Variants in NRK observed in about 807,000 individuals in gnomAD.
The protein encoded by NRK is Nik related kinase, also known as nik-related protein kinase.
Under a neutral mutation model 125.2 loss-of-function variants are expected in NRK, and 67 were observed. The observed-to-expected ratio is 0.54, with a 90% confidence interval of 0.44 to 0.66. The LOEUF (loss-of-function observed/expected upper bound fraction) is 0.66. NRK is among the 30% of genes least tolerant of loss of function. NRK has a pLI of 0.00. For synonymous variants in NRK, 458 were observed against 429.0 expected, an observed-to-expected ratio of 1.07 and a Z score of -0.84; for missense variants, 1,224 against 1,192.9, an observed-to-expected ratio of 1.03 and a Z score of -0.38.
In NRK at chrX:105,931,756, G is replaced by GA. The variant is rs1345321305; in HGVS notation, c.3313-2501dup. 2.7e-5 allele frequency among the ~76,000 whole-genome samples: 3 copies of GA among 111,285 alleles called. No homozygotes were observed. The East Asian group carries it at 8.6e-4, about 32-fold the overall frequency. On this transcript the variant is annotated intron_variant, in intron 19 of 28. Transcript: ENST00000243300. ...TCTCTTTGTCCTTTTTTGTGAGGGGGACAAGCACCAGGTGCCACCAATAAG... is the reference window on the plus strand; with the variant it reads ...TCTCTTTGTCCTTTTTTGTGAGGGGGAACAAGCACCAGGTGCCACCAATAAG...
intron 26 of NRK, 100 bp downstream of exon 26, chrX:105,946,564 T>C (rs1217302667): frequency 1.5e-5 from 9 of 612,332 alleles, no homozygotes; most frequent in Middle Eastern, 4.5e-4. Flanking sequence ...TGATTAGTAA[T>C]GTCTATACCG....
intron 1 of NRK, among the ~76,000 whole-genome samples, chrX:105,826,182 T>TATATAATA (rs1167551469): frequency 1.1e-5 from 1 of 91,442 alleles, no homozygotes; most frequent in Non-Finnish European, 2.1e-5. Context: ...TATGATCATA[T>TATATAATA]ATATGTGATA....
chrX:105,829,994 A>G (rs2039165359), intron 1 of NRK, among the ~76,000 whole-genome samples: 1 of 110,218 alleles, frequency 9.1e-6, no homozygotes, highest in African/African-American at 3.3e-5. Flanking sequence ...TTTGTATCCA[A>G]CATCTAGTCA....
chrX:105,921,858 G>A (rs209078), intron 16 of NRK, 106 bp from the exon 17 acceptor site: 69,227 of 291,972 alleles, frequency 0.24, 6,877 homozygotes, highest in African/African-American at 0.58. Context: ...AAATGACCAA[G>A]AAAAAAAAAA....
At chrX:105,902,524 C>CA (rs1345308017) in intron 9 of NRK, among the ~76,000 whole-genome samples, 1 of 112,150 alleles carries the variant, frequency 8.9e-6, no homozygotes, top group Non-Finnish European at 1.9e-5. Flanking sequence ...TTCCAGATAA[C>CA]AAAATTCTCT....
intron 2 of NRK, among the ~76,000 whole-genome samples, chrX:105,869,435 C>T (rs1602624736): frequency 9.0e-6 from 1 of 110,758 alleles, no homozygotes; most frequent in Non-Finnish European, 1.9e-5. Context: ...TTTTCTACTC[C>T]CTGCTGCTTC....
At chrX:105,913,678 A>G (rs1207921528) in intron 14 of NRK, among the ~76,000 whole-genome samples, 2 of 111,446 alleles carry the variant, frequency 1.8e-5, no homozygotes, top group Non-Finnish European at 3.8e-5. Flanking sequence ...CCAAATACCC[A>G]GAGTTTAAAT....
intron 2 of NRK, among the ~76,000 whole-genome samples, chrX:105,836,264 T>A (rs2039263835): frequency 8.9e-6 from 1 of 111,973 alleles, no homozygotes; most frequent in African/African-American, 3.2e-5. Context: ...CCATGTTAAT[T>A]CCTTTTAACT....
intron 1 of NRK, among the ~76,000 whole-genome samples, chrX:105,824,062 A>G (rs898514900): frequency 1.8e-5 from 2 of 112,329 alleles, no homozygotes; most frequent in Non-Finnish European, 3.8e-5. Context: ...AGCCTTCCCT[A>G]TATAATTTTA....
At chrX:105,917,724 C>A in intron 16 of NRK, 52 bp downstream of exon 16, 1 of 590,264 alleles carries the variant, frequency 1.7e-6, no homozygotes, top group Non-Finnish European at 2.6e-6. Context: ...TACTGTTTAA[C>A]AATTTATATT....
chrX:105,940,059 G>A, intron 23 of NRK, 27 bp downstream of exon 23: 2 of 1,072,562 alleles, frequency 1.9e-6, no homozygotes, highest in African/African-American at 1.9e-5. Flanking sequence ...GTTTACTACA[G>A]CTATATAAAT....
At chrX:105,917,300 G>A (rs1232248281) in intron 15 of NRK, among the ~76,000 whole-genome samples, 2 of 110,499 alleles carry the variant, frequency 1.8e-5, no homozygotes, top group Non-Finnish European at 3.8e-5. Context: ...AGCTTTAAAA[G>A]CTTATAGAAA....
chrX:105,904,002 A>T (rs947556686), intron 9 of NRK, among the ~76,000 whole-genome samples: 2 of 112,298 alleles, frequency 1.8e-5, no homozygotes. Flanking sequence ...TTGAAAACAA[A>T]GCTTGGCCTT....
intron 10 of NRK, 75 bp from the exon 11 acceptor site, chrX:105,906,339 C>A: frequency 2.2e-6 from 1 of 452,169 alleles, no homozygotes; most frequent in Non-Finnish European, 3.6e-6. Context: ...TTCAGAGAGG[C>A]ATGTGGGTGG....
At chrX:105,865,076 A>G (rs2039652193) in intron 2 of NRK, among the ~76,000 whole-genome samples, 1 of 111,529 alleles carries the variant, frequency 9.0e-6, no homozygotes, top group Non-Finnish European at 1.9e-5. Flanking sequence ...TTTATTTTAA[A>G]CTGTGAATCT....
chrX:105,908,374 G>A (rs2040246785), intron 12 of NRK, 71 bp downstream of exon 12: 1 of 539,403 alleles, frequency 1.9e-6, no homozygotes, highest in Non-Finnish European at 2.9e-6. Flanking sequence ...CCATACTGTT[G>A]CCTTTGGTTC....
intron 2 of NRK, among the ~76,000 whole-genome samples, chrX:105,867,336 G>A (rs756434007): frequency 1.8e-5 from 2 of 111,309 alleles, no homozygotes; most frequent in Non-Finnish European, 3.8e-5. Context: ...TAAGCCAGAT[G>A]GGGATACATG....
intron 2 of NRK, among the ~76,000 whole-genome samples, chrX:105,848,920 G>A (rs928187677): frequency 8.9e-6 from 1 of 111,782 alleles, no homozygotes; most frequent in African/African-American, 3.3e-5. Flanking sequence ...TTATTATTAT[G>A]TAAAATTTTG....
intron 4 of NRK, among the ~76,000 whole-genome samples, chrX:105,887,301 A>G (rs1232316228): frequency 1.1e-4 from 12 of 112,201 alleles, no homozygotes; most frequent in Non-Finnish European, 2.3e-4. Context: ...CTTGAAGAAC[A>G]TATCGGCAAT....
Sources: gnomAD v4.1 joint callset for allele counts (sites outside exome capture counted in the v4.1 genomes callset) on GRCh38, gnomAD v4.1.1 for gene constraint, MANE v1.5 for transcripts, NCBI Gene and HGNC (gene_info 2026-07-23, HGNC 2026-07-21) for gene names.